The following PTBP3 variants were observed in gnomAD, a reference collection of about 807,000 sequenced individuals.
The protein encoded by PTBP3 is polypyrimidine tract-binding protein 3.
In PTBP3, 20 loss-of-function variants were observed where a neutral mutation model predicts 58.7. The observed-to-expected ratio is 0.34, with a 90% confidence interval of 0.24 to 0.50. The LOEUF is 0.50. Among genes scored for constraint, PTBP3 ranks in the 20% least tolerant of loss-of-function variants. The pLI is 0.98. For synonymous variants in PTBP3, 185 were observed against 219.8 expected (o/e 0.84, Z 1.40); for missense variants, 509 against 637.2 (o/e 0.80, Z 2.17).
intron 10 of PTBP3, among the ~76,000 whole-genome samples, chr9:112,230,519 GA>G (rs1835159726): frequency 6.6e-6 from 1 of 151,882 alleles, no homozygotes; most frequent in South Asian, 2.1e-4. Flanking sequence ...TGGATTACAT[GA>G]AAAAAATAAT....
chr9:112,298,576 A>G (rs936191092), intron 1 of PTBP3: 9 of 509,754 alleles, frequency 1.8e-5, no homozygotes, highest in Middle Eastern at 3.2e-4. Flanking sequence ...AAGGACAATA[A>G]ATACTATGTA....
chr9:112,240,144 G>T lies in PTBP3; in HGVS notation c.803-5247C>A, dbSNP rs114189826. Among the ~76,000 whole-genome samples, 768 of 152,244 alleles carry T rather than the reference G, an allele frequency of 5.0e-3. 8 individuals are homozygous for T. The highest frequency in any genetic ancestry group is 0.017 in the African/African-American group (727 of 41,544). ...AAGAAAAAAGATGGTATAGGGCCTT[G>T]TAATCCAATGTAAAGATGGGGGCAT... On this transcript the variant is annotated intron_variant, in intron 7 of 13. Coordinates refer to ENST00000374257, the MANE Select transcript of PTBP3 (RefSeq NM_001163788.4).
chr9:112,268,226 G>C, intron 3 of PTBP3, 31 bp from the exon 4 acceptor site: 1 of 1,585,460 alleles, frequency 6.3e-7, no homozygotes, highest in Non-Finnish European at 8.5e-7. Flanking sequence ...TAAAGTTAAA[G>C]CTCATCTTTT....
upstream of PTBP3, among the ~76,000 whole-genome samples, chr9:112,335,699 G>A: frequency 7.1e-6 from 1 of 140,380 alleles, no homozygotes; most frequent in Non-Finnish European, 1.5e-5. Flanking sequence ...GAGGCGGGCA[G>A]ATCACTTAAG....
At chr9:112,255,167 C>G (rs1836294546) in intron 5 of PTBP3, among the ~76,000 whole-genome samples, 1 of 151,972 alleles carries the variant, frequency 6.6e-6, no homozygotes. Context: ...GTCAAACTCA[C>G]AGAGACCGAA....
chr9:112,256,294 C>CATATATATATATATATATAT (rs370450580), intron 5 of PTBP3, among the ~76,000 whole-genome samples: 2 of 59,038 alleles, frequency 3.4e-5, no homozygotes, highest in African/African-American at 2.6e-4. Flanking sequence ...TATATATATA[C>CATATATATATATATATATAT]ATATATATAT....
In PTBP3 at chr9:112,221,547, G is replaced by GA. The variant is rs1277411230; in HGVS notation, c.*2303dup. 2.0e-6 allele frequency: 2 copies of GA among 984,954 alleles called. No homozygotes were observed. The highest frequency in any genetic ancestry group is 2.4e-6 in the Non-Finnish European group (2 of 829,742). The allele number at this position is 984,954 out of a possible 1,614,324, so 61.0% of individuals were successfully genotyped here. On this transcript the variant is annotated 3_prime_UTR_variant, in exon 14 of 14. Transcript: ENST00000374257. ...ATTATAATAGTGCCTGTGTGGAAGG[G>GA]AAAAAAAAGCAAGTTTTGGGAGATT... is the stretch of plus-strand genomic sequence containing the variant.
chr9:112,352,311 A>T, the PTBP3 span, among the ~76,000 whole-genome samples: 15 of 152,056 alleles, frequency 9.9e-5, no homozygotes, highest in African/African-American at 2.7e-4. Context: ...ACAGTTTTTT[A>T]AATTTTTTTT....
At chr9:112,309,520 C>T (rs966123931) in intron 1 of PTBP3, among the ~76,000 whole-genome samples, 3 of 152,124 alleles carry the variant, frequency 2.0e-5, no homozygotes, top group Admixed American at 6.5e-5. Context: ...TGTGGTGGCT[C>T]ACTCCTGTAA....
chr9:112,312,500 T>A (rs1410228689), intron 1 of PTBP3, among the ~76,000 whole-genome samples: 29 of 123,070 alleles, frequency 2.4e-4, no homozygotes, highest in East Asian at 4.6e-4. Context: ...TTTTTTTTTT[T>A]AAAAAAAAAA....
chr9:112,220,594 A>T lies in PTBP3; in HGVS notation c.*3257T>A, dbSNP rs1431470157. Reference sequence around the variant, plus strand: ...AACATTACTTCAAATAATTGATTTCAATATTTAGTCTTAAAGAATTTATGG... The same window carrying T: ...AACATTACTTCAAATAATTGATTTCTATATTTAGTCTTAAAGAATTTATGG... On this transcript the variant is annotated 3_prime_UTR_variant, in exon 14 of 14. Coordinates refer to ENST00000374257, the MANE Select transcript of PTBP3 (RefSeq NM_001163788.4). 1 of 1,003,086 alleles carries T rather than the reference A, an allele frequency of 1.0e-6. No homozygotes were observed. The highest frequency in any genetic ancestry group is 1.2e-6 in the Non-Finnish European group (1 of 840,322). The allele number at this position is 1,003,086 out of a possible 1,614,324, so 62.1% of individuals were successfully genotyped here. A position where few individuals can be genotyped will look rare whatever the true frequency, so the allele number is the denominator to read the frequency against.
At chr9:112,266,674 T>G (rs1836813141) in intron 4 of PTBP3, among the ~76,000 whole-genome samples, 1 of 152,210 alleles carries the variant, frequency 6.6e-6, no homozygotes, top group South Asian at 2.1e-4. Context: ...AATGCTATAT[T>G]TGTTGTAATA....
intron 10 of PTBP3, 89 bp from the exon 11 acceptor site, chr9:112,228,561 T>TTTTACTATA: frequency 2.3e-6 from 2 of 876,542 alleles, no homozygotes; most frequent in East Asian, 5.6e-5. Flanking sequence ...AAGGCATTTC[T>TTTTACTATA]TACTCTCCCT....
At chr9:112,293,053 A>G (rs1245346498) in intron 2 of PTBP3, among the ~76,000 whole-genome samples, 1 of 152,092 alleles carries the variant, frequency 6.6e-6, no homozygotes, top group Admixed American at 6.5e-5. Flanking sequence ...AATGAGAAGA[A>G]CGAAAGGGAT....
At chr9:112,244,059 T>G (rs1835768787) in intron 7 of PTBP3, among the ~76,000 whole-genome samples, 1 of 151,776 alleles carries the variant, frequency 6.6e-6, no homozygotes. Flanking sequence ...CCCAACACTT[T>G]GGGAGGCCGA....
chr9:112,277,936 C>T (rs62571997), intron 2 of PTBP3, among the ~76,000 whole-genome samples: 1,199 of 78,598 alleles, frequency 0.015, 7 homozygotes, highest in East Asian at 0.1. Flanking sequence ...CATAACATAA[C>T]ATAACATAAT....
chr9:112,332,145 A>T (rs1328202405), intron 1 of PTBP3, among the ~76,000 whole-genome samples: 1 of 152,216 alleles, frequency 6.6e-6, no homozygotes, highest in African/African-American at 2.4e-5. Context: ...TCCCCCCCAA[A>T]ATATATACAC....
At chr9:112,270,875 T>A (rs966118299) in intron 3 of PTBP3, among the ~76,000 whole-genome samples, 1 of 152,208 alleles carries the variant, frequency 6.6e-6, no homozygotes, top group African/African-American at 2.4e-5. Flanking sequence ...TGGAGAGCAG[T>A]AGCGTGATCT....
chr9:112,330,384 T>C, intron 1 of PTBP3: 2 of 1,316,188 alleles, frequency 1.5e-6, no homozygotes, highest in Non-Finnish European at 1.1e-6. Flanking sequence ...CAGGTGAGAC[T>C]GAAAATATGC....
Sources: allele counts gnomAD v4.1 joint callset (sites outside exome capture counted in the v4.1 genomes callset), GRCh38; gene constraint gnomAD v4.1.1; transcripts MANE v1.5; gene names NCBI Gene and HGNC (gene_info 2026-07-23, HGNC 2026-07-21).